The following CYP2C19 variants were observed in gnomAD, a reference collection of about 807,000 sequenced individuals.
CYP2C19 encodes cytochrome P450 family 2 subfamily C member 19.
A neutral mutation model predicts 40.9 loss-of-function variants in CYP2C19; 59 were observed. That is an observed-to-expected ratio of 1.44 (90% CI 1.17 to 1.79). The LOEUF is 1.79. CYP2C19 is among the 40% of genes most tolerant of loss of function. The pLI is 0.00. For missense variants in CYP2C19, 754 were observed against 596.9 expected, an observed-to-expected ratio of 1.26 and a Z score of -2.74; for synonymous variants, 253 against 208.7, an observed-to-expected ratio of 1.21 and a Z score of -1.83.
chr10:94,844,932 G>A (rs1451222596), intron 7 of CYP2C19, among the ~76,000 whole-genome samples: 2 of 152,192 alleles, frequency 1.3e-5, no homozygotes, highest in Non-Finnish European at 2.9e-5. Context: ...GGGGAATGCT[G>A]CATCTGATGA....
At chr10:94,820,977 G>A (rs568452111) in intron 6 of CYP2C19, among the ~76,000 whole-genome samples, 4 of 152,316 alleles carry the variant, frequency 2.6e-5, no homozygotes, top group African/African-American at 9.6e-5. Flanking sequence ...CCAGCTACTT[G>A]GGGGCTGAGG....
At chr10:94,802,322 C>A (rs1010734548) in intron 5 of CYP2C19, among the ~76,000 whole-genome samples, 1 of 152,190 alleles carries the variant, frequency 6.6e-6, no homozygotes, top group African/African-American at 2.4e-5. Flanking sequence ...TCACCTCTCA[C>A]CTTTACCATT....
intron 6 of CYP2C19, among the ~76,000 whole-genome samples, chr10:94,831,291 T>C (rs1251182204): frequency 6.6e-6 from 1 of 152,254 alleles, no homozygotes; most frequent in African/African-American, 2.4e-5. Flanking sequence ...GATGGATATT[T>C]AGGTTGTTTC....
intron 3 of CYP2C19, chr10:94,776,548 G>C (rs1848410023): frequency 6.6e-6 from 1 of 152,120 alleles, no homozygotes; most frequent in African/African-American, 2.4e-5. Flanking sequence ...ACTTCCAGCT[G>C]TTCAATGCCT....
intron 7 of CYP2C19, among the ~76,000 whole-genome samples, chr10:94,848,463 C>G (rs1257133307): frequency 6.6e-6 from 1 of 152,164 alleles, no homozygotes; most frequent in South Asian, 2.1e-4. Context: ...CAGTACCATG[C>G]TGTTTTGGTT....
chr10:94,768,246 G>A (rs929118722), intron 1 of CYP2C19, among the ~76,000 whole-genome samples: 3 of 152,116 alleles, frequency 2.0e-5, no homozygotes, highest in Non-Finnish European at 2.9e-5. Context: ...TGCTAACTGG[G>A]CACTGGTCCC....
chr10:94,842,974 C>G lies in CYP2C19; in HGVS notation c.1099C>G (p.Pro367Ala). ...CATCGACCTCATCCCCACCAGCCTG[C>G]CCCATGCAGTGACCTGTGACGTTAA... ...RYIDLIPTSL[P>A]HAVTCDVKFR... The change falls in exon 7 of 9, where the codon CCC becomes GCC. Residue 367 changes from proline to alanine, a missense_variant. Coordinates refer to ENST00000371321, the MANE Select transcript of CYP2C19 (RefSeq NM_000769.4). The G allele has an allele frequency of 6.2e-7, 1 of 1,614,212 alleles. No homozygotes were observed. Among genetic ancestry groups the G allele is most frequent in the Non-Finnish European group, 8.5e-7 (1 of 1,180,040 alleles).
intron 5 of CYP2C19, among the ~76,000 whole-genome samples, chr10:94,788,174 G>A (rs921872728): frequency 6.6e-6 from 1 of 151,456 alleles, no homozygotes; most frequent in African/African-American, 2.4e-5. Flanking sequence ...TTGGCTTTCA[G>A]CATGAACATT....
At chr10:94,817,965 A>T (rs1280145458) in intron 5 of CYP2C19, among the ~76,000 whole-genome samples, 65 of 147,198 alleles carry the variant, frequency 4.4e-4, no homozygotes, top group Non-Finnish European at 7.2e-4. Context: ...GTGAGCCGAG[A>T]TCCCGCCACT....
chr10:94,847,250 C>T (rs1849585477), intron 7 of CYP2C19, among the ~76,000 whole-genome samples: 1 of 152,044 alleles, frequency 6.6e-6, no homozygotes, highest in Admixed American at 6.6e-5. Flanking sequence ...AAAACAGTCC[C>T]TGGTGTGTGA....
chr10:94,764,083 G>A (rs965567061), intron 1 of CYP2C19, among the ~76,000 whole-genome samples: 2 of 152,098 alleles, frequency 1.3e-5, no homozygotes, highest in Non-Finnish European at 2.9e-5. Context: ...GACCTTTGCG[G>A]TGAGTGTTAT....
At chr10:94,794,346 C>T (rs1589355700) in intron 5 of CYP2C19, among the ~76,000 whole-genome samples, 1 of 152,240 alleles carries the variant, frequency 6.6e-6, no homozygotes, top group East Asian at 1.9e-4. Flanking sequence ...AGCTCACACT[C>T]CATGGGCTGT....
chr10:94,824,352 A>G (rs1244364926), intron 6 of CYP2C19, among the ~76,000 whole-genome samples: 1 of 152,102 alleles, frequency 6.6e-6, no homozygotes, highest in African/African-American at 2.4e-5. Context: ...ATAATCTACA[A>G]AAAGATAAGT....
chr10:94,850,459 G>A lies in CYP2C19; in HGVS notation c.1291+401G>A, dbSNP rs148541083. ...CCTCACCCCCTAGGCTGGGCTTGTA[G>A]GATAAAATTATCCTCAAACACAGAA... On this transcript the variant is annotated intron_variant, in intron 8 of 8. Transcript: ENST00000371321. Among the ~76,000 whole-genome samples the A allele has an allele frequency of 4.1e-3, 625 of 152,206 alleles. 5 individuals are homozygous for A. Among genetic ancestry groups the A allele is most frequent in the African/African-American group, 0.014 (597 of 41,530 alleles).
rs150264290 is a variant in CYP2C19, at chr10:94,834,676, A to C, written c.962-8161A>C. ...AAATGCCTGGGTTTATATCCCAATC[A>C]TTGTCCCTCCCACTGTGCTTTCAGG... On this transcript the variant is annotated intron_variant, in intron 6 of 8. Coordinates refer to ENST00000371321, the MANE Select transcript of CYP2C19 (RefSeq NM_000769.4). Among the ~76,000 whole-genome samples the C allele has an allele frequency of 3.1e-3, 476 of 151,850 alleles. 3 individuals are homozygous for C. The highest frequency in any genetic ancestry group is 0.011 in the African/African-American group (449 of 41,406).
intron 3 of CYP2C19, among the ~76,000 whole-genome samples, chr10:94,776,714 G>T (rs1848411898): frequency 6.6e-6 from 1 of 152,070 alleles, no homozygotes; most frequent in Non-Finnish European, 1.5e-5. Flanking sequence ...GGCAAAATCT[G>T]GAAGTATTCC....
chr10:94,827,649 G>T (rs1303144879), intron 6 of CYP2C19, among the ~76,000 whole-genome samples: 1 of 152,050 alleles, frequency 6.6e-6, no homozygotes, highest in African/African-American at 2.4e-5. Flanking sequence ...AGGGTCTTTT[G>T]TGTGTCTCTT....
chr10:94,842,642 G>A (rs1284608180), intron 6 of CYP2C19, among the ~76,000 whole-genome samples, 195 bp from the exon 7 acceptor site: 1 of 151,678 alleles, frequency 6.6e-6, no homozygotes, highest in East Asian at 1.9e-4. Context: ...TTTTCTTAAT[G>A]CCTAGCTTAA....
chr10:94,821,727 A>G (rs1012359360), intron 6 of CYP2C19, among the ~76,000 whole-genome samples: 3 of 152,200 alleles, frequency 2.0e-5, no homozygotes, highest in Admixed American at 6.5e-5. Flanking sequence ...CAATAACCTA[A>G]TTACAAATAA....
Sources: allele counts gnomAD v4.1 joint callset (sites outside exome capture counted in the v4.1 genomes callset), GRCh38; gene constraint gnomAD v4.1.1; transcripts MANE v1.5; gene names NCBI Gene and HGNC (gene_info 2026-07-23, HGNC 2026-07-21).